The following RNF43 variants were observed in gnomAD, a reference collection of about 807,000 sequenced individuals.
The protein encoded by RNF43 is E3 ubiquitin-protein ligase RNF43.
RNF43 carries 37 observed loss-of-function variants against 78.4 expected under a neutral mutation model. The ratio of observed to expected loss-of-function variants is 0.47; its 90% CI spans 0.36 to 0.62. The LOEUF is 0.62. Ranked by LOEUF, RNF43 falls within the 20% of genes least tolerant of loss-of-function variation. The pLI, the probability that RNF43 is intolerant of heterozygous loss-of-function variation, is 0.00. For missense variants in RNF43, 774 were observed against 1,007.9 expected (o/e 0.77, Z 3.14); for synonymous variants, 347 against 395.0 (o/e 0.88, Z 1.44).
intron 2 of RNF43, among the ~76,000 whole-genome samples, chr17:58,405,664 G>C (rs1973890973): frequency 6.7e-6 from 1 of 149,010 alleles, no homozygotes; most frequent in Admixed American, 6.8e-5. Context: ...GGGTGACAGA[G>C]AGAGGTGACA....
rs1972799010 is a variant in RNF43, at chr17:58,360,097, C to G, written c.952+52G>C. 7.1e-7 allele frequency: 1 copy of G among 1,405,226 alleles called. No individual in the cohort carries two copies. The highest frequency in any genetic ancestry group is 1.0e-6 in the Non-Finnish European group (1 of 994,608). The allele number at this position is 1,405,226 out of a possible 1,614,324, so 87.0% of individuals were successfully genotyped here. On this transcript the variant is annotated intron_variant, in intron 8 of 9. Transcript: ENST00000407977. This position sits in a 1 kb window ranked among gnomAD's most constrained non-coding sequence, Gnocchi z 4.3. ...GCAACCCTTTCCCAAAGGGAAGCCA[C>G]ATTCTAGACCTGTCTGCCTACACAG...
At chr17:58,366,515 G>A (rs916962292) in intron 3 of RNF43, among the ~76,000 whole-genome samples, 2 of 152,238 alleles carry the variant, frequency 1.3e-5, no homozygotes, top group Admixed American at 1.3e-4. Flanking sequence ...AGTAGCAAAG[G>A]TGGGATTCCT....
At chr17:58,402,891 G>A (rs1973834400) in intron 2 of RNF43, among the ~76,000 whole-genome samples, 1 of 152,192 alleles carries the variant, frequency 6.6e-6, no homozygotes, top group Non-Finnish European at 1.5e-5. Flanking sequence ...CTCAGCAACA[G>A]TAGAGGAATG....
At position 58,368,808 on chromosome 17, in the gene RNF43, A is replaced by G. The variant is rs113888358; in HGVS notation, c.375+2103T>C. Among the ~76,000 whole-genome samples, 460 of 152,340 alleles carry G rather than the reference A, an allele frequency of 3.0e-3. 2 individuals carry two copies. The highest frequency in any genetic ancestry group is 4.1e-3 in the Admixed American group (63 of 15,310). On this transcript the variant is annotated intron_variant, in intron 3 of 9. Coordinates refer to ENST00000407977, the MANE Select transcript of RNF43 (RefSeq NM_017763.6). ...ATTTTCTCATGAGATAACTTGTATT[A>G]ACATGTTGAACTAACAGAATTCCAA...
chr17:58,393,881 C>T lies in RNF43; in HGVS notation c.252+21445G>A, dbSNP rs562269184. ...CATCCTGGCTAACATGGTGAAACCCCGTCTCTACTAAAAATACAAAAAAAA... is the reference window on the plus strand; with the variant it reads ...CATCCTGGCTAACATGGTGAAACCCTGTCTCTACTAAAAATACAAAAAAAA... On this transcript the variant is annotated intron_variant, in intron 2 of 9. Transcript: ENST00000407977. Among the ~76,000 whole-genome samples the T allele has an allele frequency of 9.2e-5, 14 of 152,112 alleles. No individual in the cohort carries two copies. In the South Asian group the frequency reaches 2.3e-3, roughly 25 times the overall value.
In RNF43 at chr17:58,357,687, G is replaced by A. The variant is rs753119589; in HGVS notation, c.2089C>T (p.His697Tyr). ...CCTGGAGGTCCACAGATCAAGGGGT[G>A]TGCCTCTGGGGACCAAGGATATGCC... ...SVAYPWSPEA[H>Y]PLICGPPGLD... is the part of the protein sequence containing the mutation. Residue 697 changes from histidine to tyrosine, a missense_variant, in exon 9 of 10, where the codon CAC becomes TAC. By Grantham distance (83) the His-to-Tyr change is moderately conservative (BLOSUM62 2). Coordinates refer to ENST00000407977, the MANE Select transcript of RNF43 (RefSeq NM_017763.6). The surrounding 1 kb of genome is among the most constrained non-coding windows in gnomAD (Gnocchi z 4.5). 4.3e-6 allele frequency: 7 copies of A among 1,612,238 alleles called. No homozygotes were observed. Among genetic ancestry groups the A allele is most frequent in the Admixed American group, 3.3e-5 (2 of 59,874 alleles).
intron 2 of RNF43, among the ~76,000 whole-genome samples, chr17:58,410,653 A>G (rs1974010039): frequency 6.6e-6 from 1 of 152,262 alleles, no homozygotes; most frequent in African/African-American, 2.4e-5. Flanking sequence ...AGGTTCCTAT[A>G]TTAGATAACT....
In RNF43 at chr17:58,361,085, C is replaced by T. The variant is rs1972826714; in HGVS notation, c.688-141G>A. 1.4e-5 allele frequency: 12 copies of T among 831,188 alleles called. No homozygotes were observed. The South Asian group carries it at 3.1e-4, about 21-fold the overall frequency. 51.5% of individuals were successfully genotyped at this position (831,188 alleles called of 1,614,324 possible). A position where few individuals can be genotyped will look rare whatever the true frequency, so the allele number is the denominator to read the frequency against. On this transcript the variant is annotated intron_variant, in intron 6 of 9. Transcript: ENST00000407977. Reference sequence around the variant, plus strand: ...TCCTTAGGAGTTCGTCTCCTCGGAGCTCATATGTGGCTCTGCCAAGCATGC... The same window carrying T: ...TCCTTAGGAGTTCGTCTCCTCGGAGTTCATATGTGGCTCTGCCAAGCATGC...
At chr17:58,353,661 C>A (rs1480728994), downstream of RNF43, 1 of 210,556 alleles carries the variant, frequency 4.7e-6, no homozygotes, top group Non-Finnish European at 9.7e-6. Context: ...AACAAAACCA[C>A]AAGACCAGAC....
Position 58,354,447 on chromosome 17 carries a change from T to C in RNF43, c.*496A>G, listed in dbSNP as rs775961549. On this transcript the variant is annotated 3_prime_UTR_variant, in exon 10 of 10. Coordinates refer to ENST00000407977, the MANE Select transcript of RNF43 (RefSeq NM_017763.6). ...GATAGAGCCAGGGTTGCCCCTGATGTAGCAGCCTTACTGTGGAGGGGCCAA... is the reference window on the plus strand; with the variant it reads ...GATAGAGCCAGGGTTGCCCCTGATGCAGCAGCCTTACTGTGGAGGGGCCAA... The C allele has an allele frequency of 3.6e-5, 9 of 247,342 alleles. No homozygotes were observed. The allele number at this position is 247,342 out of a possible 1,614,324, so 15.3% of individuals were successfully genotyped here.
intron 6 of RNF43, among the ~76,000 whole-genome samples, chr17:58,362,169 AT>A: frequency 6.6e-6 from 1 of 151,562 alleles, no homozygotes; most frequent in East Asian, 1.9e-4. Flanking sequence ...CAGCATTATC[AT>A]TTTTTCTCCG....
chr17:58,392,654 T>C (rs1054943909), intron 2 of RNF43, among the ~76,000 whole-genome samples: 4 of 152,246 alleles, frequency 2.6e-5, no homozygotes, highest in African/African-American at 9.6e-5. Flanking sequence ...CACAGCCTAA[T>C]GTAGAGGACA....
At chr17:58,382,152 T>C (rs1336118485) in intron 2 of RNF43, among the ~76,000 whole-genome samples, 6 of 152,192 alleles carry the variant, frequency 3.9e-5, no homozygotes, top group Admixed American at 6.5e-5. Flanking sequence ...AATGCTGCAT[T>C]GTGACCCACT....
chr17:58,363,410 CA>C lies in RNF43; in HGVS notation c.451-5del, dbSNP rs777057577. 10 of 1,614,032 alleles carry C rather than the reference CA, an allele frequency of 6.2e-6. No individual in the cohort carries two copies. Among genetic ancestry groups the C allele is most frequent in the African/African-American group, 2.7e-5 (2 of 74,920 alleles). On this transcript the variant is annotated splice_polypyrimidine_tract_variant and splice_region_variant and intron_variant, in intron 4 of 9. Coordinates refer to ENST00000407977, the MANE Select transcript of RNF43 (RefSeq NM_017763.6). ...TCAGCCCCAGCGGCTGCTGCAGCTA[CA>C]GGGGGAAAGTGCCCACAGGGCTGCT...
At chr17:58,413,195 C>A (rs1036216581) in intron 2 of RNF43, among the ~76,000 whole-genome samples, 1 of 152,216 alleles carries the variant, frequency 6.6e-6, no homozygotes, top group East Asian at 1.9e-4. Flanking sequence ...GAAGTGTAAA[C>A]CATGTGTCCC....
At chr17:58,406,022 G>C (rs1336900071) in intron 2 of RNF43, among the ~76,000 whole-genome samples, 1 of 152,190 alleles carries the variant, frequency 6.6e-6, no homozygotes, top group Non-Finnish European at 1.5e-5. Context: ...TTATAAAGAG[G>C]TGATATTGCT....
chr17:58,398,770 C>T (rs561859674), intron 2 of RNF43, among the ~76,000 whole-genome samples: 62 of 152,284 alleles, frequency 4.1e-4, no homozygotes, highest in African/African-American at 1.4e-3. Context: ...TCAAACAAGG[C>T]CACTGGAAGT....
Position 58,358,643 on chromosome 17 carries a change from G to A in RNF43, c.1133C>T (p.Ser378Phe), listed in dbSNP as rs748840036. Reference protein sequence around the residue: ...RPPRPGPFLPSQEPGMGPRHH... With the variant: ...RPPRPGPFLPFQEPGMGPRHH... ...CCGAGGGCCCATGCCTGGCTCCTGG[G>A]ATGGCAGGAAGGGACCAGGTCGTGG... Residue 378 changes from serine (S) to phenylalanine (F), a missense_variant, in exon 9 of 10, where the codon TCC becomes TTC. Ser to Phe is a radical substitution (Grantham distance 155). Transcript: ENST00000407977. The surrounding 1 kb of genome is among the most constrained non-coding windows in gnomAD (Gnocchi z 6.2). 6.5e-7 allele frequency: 1 copy of A among 1,533,902 alleles called. No homozygotes were observed. Among genetic ancestry groups the A allele is most frequent in the African/African-American group, 1.4e-5 (1 of 73,276 alleles).
At chr17:58,355,119 T>C in intron 9 of RNF43, 133 bp from the exon 10 acceptor site, 1 of 836,900 alleles carries the variant, frequency 1.2e-6, no homozygotes, top group African/African-American at 1.7e-5. Flanking sequence ...GAAAGGGTGG[T>C]TAGATTGAAA....
Sources: gnomAD v4.1 joint callset for allele counts (sites outside exome capture counted in the v4.1 genomes callset) on GRCh38, gnomAD v4.1.1 for gene constraint, Gnocchi (gnomAD v3.1) non-coding constraint, MANE v1.5 for transcripts, NCBI Gene and HGNC (gene_info 2026-07-23, HGNC 2026-07-21) for gene names.